Variants in NFAT5 observed in about 807,000 individuals in gnomAD.
The protein encoded by NFAT5 is nuclear factor of activated T cells 5, also known as nuclear factor of activated T-cells 5.
NFAT5 carries 31 observed loss-of-function variants against 166.5 expected under a neutral mutation model. The ratio of observed to expected loss-of-function variants is 0.19; its 90% CI spans 0.14 to 0.25. The LOEUF (loss-of-function observed/expected upper bound fraction) is 0.25. Ranked by LOEUF, NFAT5 falls within the 10% of genes least tolerant of loss-of-function variation. NFAT5 has a pLI of 1.00. For synonymous variants in NFAT5, 612 were observed against 639.7 expected (o/e 0.96, Z 0.65); for missense variants, 1,449 against 1,821.8 (o/e 0.80, Z 3.72).
intron 11 of NFAT5, among the ~76,000 whole-genome samples, chr16:69,688,172 C>T (rs1288972678): frequency 7.2e-6 from 1 of 138,414 alleles, no homozygotes; most frequent in Non-Finnish European, 1.5e-5. Flanking sequence ...GTCCGCAGTC[C>T]CGCCTGGGCG....
intron 2 of NFAT5, among the ~76,000 whole-genome samples, chr16:69,569,747 T>G (rs2142893510): frequency 6.6e-6 from 1 of 152,358 alleles, no homozygotes; most frequent in Non-Finnish European, 1.5e-5. Context: ...CTAAATTTTT[T>G]TAACAGTATA....
chr16:69,588,092 A>G (rs1234148473), intron 2 of NFAT5, among the ~76,000 whole-genome samples: 2 of 151,382 alleles, frequency 1.3e-5, no homozygotes, highest in Admixed American at 1.3e-4. Flanking sequence ...AGCTGGAATT[A>G]CAGGTGCACA....
chr16:69,685,185 TATATA>T (rs200282735), intron 11 of NFAT5: 3,057 of 122,486 alleles, frequency 0.025, 88 homozygotes, highest in East Asian at 0.15. Context: ...TATATATATA[TATATA>T]TTTTTTTTTT....
In NFAT5 at chr16:69,692,492, G is replaced by T; in HGVS notation, c.2667G>T (p.Gln889His). ...GAAGAGCTGAAAGTGTTCATCCACA[G>T]TCTGAAAACACGTTATCTAATCAAC... ...LPGRAESVHP[Q>H]SENTLSNQQQ... Residue 889 changes from glutamine (Q) to histidine (H), a missense_variant, in exon 13 of 15, where the codon CAG becomes CAT. This residue lies in a region of NFAT5 where 891 missense variants were observed against 993.0 expected (regional missense o/e 0.90). Transcript: ENST00000349945. The T allele has an allele frequency of 1.9e-6, 3 of 1,614,202 alleles. No homozygotes were observed. Among genetic ancestry groups the T allele is most frequent in the Non-Finnish European group, 2.5e-6 (3 of 1,180,048 alleles).
At chr16:69,605,429 C>T (rs1284507751) in intron 2 of NFAT5, among the ~76,000 whole-genome samples, 3 of 152,128 alleles carry the variant, frequency 2.0e-5, no homozygotes, top group Non-Finnish European at 4.4e-5. Context: ...AACAGAGCGA[C>T]AGTGTCTCAA....
At chr16:69,632,586 G>A (rs182628766) in intron 3 of NFAT5, 1 of 152,272 alleles carries the variant, frequency 6.6e-6, no homozygotes, top group Admixed American at 6.5e-5. Context: ...TTATCCCATT[G>A]AATTTATTAT....
intron 2 of NFAT5, among the ~76,000 whole-genome samples, chr16:69,620,455 C>T (rs1006327264): frequency 6.6e-6 from 1 of 152,078 alleles, no homozygotes; most frequent in African/African-American, 2.4e-5. Flanking sequence ...ATAATCAGGT[C>T]AGGCATGGTG....
chr16:69,575,537 G>A (rs1438886458), intron 2 of NFAT5, among the ~76,000 whole-genome samples: 3 of 151,992 alleles, frequency 2.0e-5, no homozygotes, highest in Non-Finnish European at 4.4e-5. Flanking sequence ...AGCCCAGGAC[G>A]TCAAGGCTGC....
At position 69,693,224 on chromosome 16, in the gene NFAT5, A is replaced by G; in HGVS notation, c.3399A>G (p.Pro1133=). The G allele has an allele frequency of 6.2e-7, 1 of 1,614,150 alleles. No homozygotes were observed. Among genetic ancestry groups the G allele is most frequent in the Non-Finnish European group, 8.5e-7 (1 of 1,180,022 alleles). Residue 1133 remains proline (P), a synonymous_variant, in exon 13 of 15, where the codon CCA becomes CCG. Coordinates refer to ENST00000349945, the MANE Select transcript of NFAT5 (RefSeq NM_138713.4). The stretch of plus-strand genomic sequence containing the variant: ...CCTCCTCTGAACAAATGCAGCCTCC[A>G]ATGTTTCACTCTCAAAGTACCATTG... ...STTSSEQMQP[P]MFHSQSTIAV...
chr16:69,704,151 G>C lies in NFAT5; in HGVS notation c.*7800G>C, dbSNP rs2037944343. The C allele has an allele frequency of 6.6e-6, 1 of 152,556 alleles. No homozygotes were observed. The highest frequency in any genetic ancestry group is 1.5e-5 in the Non-Finnish European group (1 of 68,022). 9.5% of individuals were successfully genotyped at this position (152,556 alleles called of 1,614,324 possible). On this transcript the variant is annotated 3_prime_UTR_variant, in exon 15 of 15. Coordinates refer to ENST00000349945, the MANE Select transcript of NFAT5 (RefSeq NM_138713.4). Reference sequence around the variant, plus strand: ...GTTACAGACTGATTCCAGTGAACTTGATCTAATTTCTTTTGATCTAATGAA... The same window carrying C: ...GTTACAGACTGATTCCAGTGAACTTCATCTAATTTCTTTTGATCTAATGAA...
intron 3 of NFAT5, among the ~76,000 whole-genome samples, chr16:69,637,665 C>G (rs2035025544): frequency 6.6e-6 from 1 of 152,168 alleles, no homozygotes; most frequent in African/African-American, 2.4e-5. Context: ...GACCAGCCGC[C>G]ATGACTCAAA....
chr16:69,614,952 C>T (rs905718381), intron 2 of NFAT5, among the ~76,000 whole-genome samples: 16 of 149,362 alleles, frequency 1.1e-4, no homozygotes, highest in African/African-American at 3.7e-4. Flanking sequence ...TCTTGGCTCA[C>T]TGCAGCCTCC....
At chr16:69,619,500 A>G (rs919102615) in intron 2 of NFAT5, among the ~76,000 whole-genome samples, 1 of 152,212 alleles carries the variant, frequency 6.6e-6, no homozygotes, top group African/African-American at 2.4e-5. Flanking sequence ...TTTTTACTAT[A>G]ATACAGATAT....
intron 3 of NFAT5, among the ~76,000 whole-genome samples, chr16:69,645,462 G>A (rs756967142): frequency 3.3e-5 from 5 of 151,992 alleles, no homozygotes; most frequent in Non-Finnish European, 7.4e-5. Flanking sequence ...ATTAATTACT[G>A]TGCTTTTTAG....
chr16:69,670,154 C>T, intron 8 of NFAT5, 43 bp downstream of exon 8: 1 of 1,596,904 alleles, frequency 6.3e-7, no homozygotes, highest in Non-Finnish European at 8.5e-7. Flanking sequence ...TATGTTTTCA[C>T]TTTGTTATAT....
Position 69,698,257 on chromosome 16 carries a change from C to T in NFAT5, c.*1906C>T, listed in dbSNP as rs925340763. 2.0e-5 allele frequency: 3 copies of T among 152,320 alleles called. No individual in the cohort carries two copies. Among genetic ancestry groups the T allele is most frequent in the South Asian group, 2.1e-4 (1 of 4,824 alleles). The allele number at this position is 152,320 out of a possible 1,614,324, so 9.4% of individuals were successfully genotyped here. A position where few individuals can be genotyped will look rare whatever the true frequency, so the allele number is the denominator to read the frequency against. ...TTTAATTTTGAATACAGTTTTCAAT[C>T]GTTCAAGTTTTGGATGGTTTATATC... On this transcript the variant is annotated 3_prime_UTR_variant, in exon 15 of 15. Coordinates refer to ENST00000349945, the MANE Select transcript of NFAT5 (RefSeq NM_138713.4).
intron 2 of NFAT5, among the ~76,000 whole-genome samples, chr16:69,625,751 T>C (rs1014520617): frequency 2.0e-5 from 3 of 152,106 alleles, no homozygotes; most frequent in Non-Finnish European, 2.9e-5. Context: ...GTTTTACTTA[T>C]ACTATTGCAA....
chr16:69,574,795 A>C (rs572531669), intron 2 of NFAT5, among the ~76,000 whole-genome samples: 1 of 151,928 alleles, frequency 6.6e-6, no homozygotes, highest in East Asian at 1.9e-4. Context: ...GAGCCTCCCA[A>C]GTAGCTGGGA....
At chr16:69,570,357 A>G (rs890580245) in intron 2 of NFAT5, among the ~76,000 whole-genome samples, 33 of 152,020 alleles carry the variant, frequency 2.2e-4, no homozygotes, top group Non-Finnish European at 2.9e-5. Context: ...TTTCTTTTTT[A>G]TTATTGACAT....
Sources: allele counts gnomAD v4.1 joint callset (sites outside exome capture counted in the v4.1 genomes callset), GRCh38; gene constraint gnomAD v4.1.1; regional missense constraint gnomAD v4.1.1; transcripts MANE v1.5; gene names NCBI Gene and HGNC (gene_info 2026-07-23, HGNC 2026-07-21).